CAPN11: variants seen among roughly 807,000 people sequenced by gnomAD.
CAPN11 encodes calpain-11.
CAPN11 carries 108 observed loss-of-function variants against 105.3 expected under a neutral mutation model. That is an observed-to-expected ratio of 1.03 (90% CI 0.88 to 1.20). The LOEUF (loss-of-function observed/expected upper bound fraction) is 1.20, where lower values mean the gene tolerates loss of function less well. Ranked by LOEUF, CAPN11 falls within the 50% of genes most tolerant of loss-of-function variation. CAPN11 has a pLI of 0.00. For synonymous variants in CAPN11, 329 were observed against 344.5 expected (o/e 0.96, Z 0.50); for missense variants, 883 against 924.8 (o/e 0.95, Z 0.59).
rs543293262 is a variant in CAPN11, at chr6:44,181,399, T to G, written c.1938+79T>G. On this transcript the variant is annotated intron_variant, in intron 19 of 22. Coordinates refer to ENST00000398776, the MANE Select transcript of CAPN11 (RefSeq NM_007058.4). ...AGAGATGGAACTAATGAGGGGAAGCTAGAACCCAAGCCCTAACCACACACA... is the reference window on the plus strand; with the variant it reads ...AGAGATGGAACTAATGAGGGGAAGCGAGAACCCAAGCCCTAACCACACACA... 694 of 1,082,542 alleles carry G rather than the reference T, an allele frequency of 6.4e-4. 18 individuals carry two copies. In the South Asian group the frequency reaches 9.1e-3, roughly 14 times the overall value. The allele number at this position is 1,082,542 out of a possible 1,614,324, so 67.1% of individuals were successfully genotyped here.
rs200836901 is a variant in CAPN11, at chr6:44,180,664, T to A, written c.1746+2T>A. 6.2e-7 allele frequency: 1 copy of A among 1,606,884 alleles called. No individual in the cohort carries two copies. Among genetic ancestry groups the A allele is most frequent in the Non-Finnish European group, 8.5e-7 (1 of 1,177,078 alleles). Reference sequence around the variant, plus strand: ...TTGTTTAAGATAGTGGCAGGAGAGGTGAGCAGGCCACGAGCGGAGGGCTGA... The same window carrying A: ...TTGTTTAAGATAGTGGCAGGAGAGGAGAGCAGGCCACGAGCGGAGGGCTGA... On this transcript the variant is annotated splice_donor_variant, in intron 16 of 22. Transcript: ENST00000398776. LOFTEE classifies it high-confidence loss of function.
chr6:44,161,020 C>T (rs916269886), intron 1 of CAPN11, among the ~76,000 whole-genome samples: 1 of 151,940 alleles, frequency 6.6e-6, no homozygotes, highest in Non-Finnish European at 1.5e-5. Flanking sequence ...GGTGTTGGAA[C>T]GTACCCCTAG....
At chr6:44,181,536 CT>C (rs1179457925) in intron 19 of CAPN11, among the ~76,000 whole-genome samples, 2 of 58,968 alleles carry the variant, frequency 3.4e-5, no homozygotes, top group African/African-American at 5.6e-5. Flanking sequence ...CCACACCACA[CT>C]CACACACACA....
At chr6:44,180,835 C>G in intron 17 of CAPN11, 30 bp downstream of exon 17, 1 of 1,611,078 alleles carries the variant, frequency 6.2e-7, no homozygotes, top group Non-Finnish European at 8.5e-7. Flanking sequence ...TGCACACGAC[C>G]CCTCCCCCAT....
chr6:44,176,481 C>A (rs1399034246), intron 9 of CAPN11, 100 bp from the exon 10 acceptor site: 10 of 1,331,056 alleles, frequency 7.5e-6, no homozygotes, highest in Non-Finnish European at 1.1e-5. Flanking sequence ...AGCTCCGCAC[C>A]CCAGCAGGCA....
intron 1 of CAPN11, among the ~76,000 whole-genome samples, chr6:44,163,639 T>G (rs1452799861): frequency 4.6e-5 from 7 of 152,202 alleles, no homozygotes; most frequent in Admixed American, 4.6e-4. Context: ...AATCAGCTAA[T>G]GCACATCGGG....
chr6:44,163,660 A>G (rs1461323181), intron 1 of CAPN11, among the ~76,000 whole-genome samples: 1 of 152,202 alleles, frequency 6.6e-6, no homozygotes, highest in African/African-American at 2.4e-5. Context: ...TGTTTAGAAT[A>G]GTGCCAGACA....
chr6:44,177,502 T>TTTC, intron 12 of CAPN11, 82 bp downstream of exon 12: 3 of 1,328,910 alleles, frequency 2.3e-6, no homozygotes, highest in Non-Finnish European at 3.1e-6. Flanking sequence ...CTTTTTTTTT[T>TTTC]TTCGAGACAG....
rs750325025 is a variant in CAPN11 at position 44,173,370 on chromosome 6, TG to T, written c.818del (p.Gly273ValfsTer15). On this transcript the variant is annotated frameshift_variant, in exon 7 of 23. Transcript: ENST00000398776. LOFTEE classifies it high-confidence loss of function. The part of the protein sequence containing the change: ...LRKAVERSSL[M>X]GCSIEVTSDS... ...AAGGCCGTGGAGCGATCCTCCCTCA[TG>T]GGTTGCTCCATTGAAGTAAGCAAAG... 1 of 1,610,488 alleles carries T rather than the reference TG, an allele frequency of 6.2e-7. No individual in the cohort carries two copies. The highest frequency in any genetic ancestry group is 1.1e-5 in the South Asian group (1 of 90,814).
intron 19 of CAPN11, among the ~76,000 whole-genome samples, 169 bp downstream of exon 19, chr6:44,181,489 A>C (rs1773261336): frequency 1.5e-5 from 1 of 65,756 alleles, no homozygotes; most frequent in African/African-American, 5.4e-5. Flanking sequence ...ACACAACCAC[A>C]CCACACACAC....
At chr6:44,172,574 T>C (rs190904283) in intron 5 of CAPN11, among the ~76,000 whole-genome samples, 154 bp downstream of exon 5, 5 of 152,256 alleles carry the variant, frequency 3.3e-5, no homozygotes, top group African/African-American at 1.2e-4. Context: ...ACCAAAGAAA[T>C]CATGTAAGCT....
In CAPN11 at chr6:44,177,258, C is replaced by T. The variant is rs749839704; in HGVS notation, c.1254C>T (p.Asn418=). Residue 418 remains asparagine, a synonymous_variant, in exon 12 of 23, where the codon AAC becomes AAT. Transcript: ENST00000398776. ...CCGCCACAGGCACGTTCTGGACCAA[C>T]CCCCAGTTTAAGATCTCTCTTCCTG... ...CRNHPGTFWT[N]PQFKISLPEG... 1 of 1,594,378 alleles carries T rather than the reference C, an allele frequency of 6.3e-7. No individual in the cohort carries two copies. The highest frequency in any genetic ancestry group is 2.3e-5 in the East Asian group (1 of 44,030).
At chr6:44,163,763 T>G (rs1368208909) in intron 1 of CAPN11, among the ~76,000 whole-genome samples, 3 of 152,202 alleles carry the variant, frequency 2.0e-5, no homozygotes, top group Non-Finnish European at 2.9e-5. Context: ...ATTCCTAATA[T>G]CTTCTCATCA....
At chr6:44,173,138 G>T in intron 6 of CAPN11, 65 bp downstream of exon 6, 1 of 1,604,094 alleles carries the variant, frequency 6.2e-7, no homozygotes, top group Non-Finnish European at 8.5e-7. Flanking sequence ...GAATCAGGGG[G>T]AGGGGAGGGG....
At chr6:44,163,981 G>T (rs533063279) in intron 1 of CAPN11, among the ~76,000 whole-genome samples, 1 of 152,104 alleles carries the variant, frequency 6.6e-6, no homozygotes, top group Non-Finnish European at 1.5e-5. Flanking sequence ...GGGACCACAG[G>T]CACATGCTAC....
chr6:44,169,807 C>A, intron 3 of CAPN11, 99 bp from the exon 4 acceptor site: 1 of 986,062 alleles, frequency 1.0e-6, no homozygotes. Context: ...TATCTGTTCC[C>A]CTGGAACTTC....
chr6:44,168,324 C>A (rs1213006819), intron 2 of CAPN11, among the ~76,000 whole-genome samples: 1 of 152,052 alleles, frequency 6.6e-6, no homozygotes, highest in Admixed American at 6.6e-5. Context: ...TGCTAGAGTT[C>A]GGTGGCACCA....
rs559211706 is a variant in CAPN11 at position 44,169,805 on chromosome 6, C to A, written c.340-101C>A. The A allele has an allele frequency of 3.9e-4, 380 of 967,246 alleles. 7 individuals are homozygous for A. The South Asian group carries it at 5.1e-3, about 13-fold the overall frequency. 59.9% of individuals were successfully genotyped at this position (967,246 alleles called of 1,614,324 possible). A position where few individuals can be genotyped will look rare whatever the true frequency, so the allele number is the denominator to read the frequency against. Reference sequence around the variant, plus strand: ...CCTCTCCCTGCCCCTCATATCTGTTCCCCTGGAACTTCAAGGTGGGCATCA... The same window carrying A: ...CCTCTCCCTGCCCCTCATATCTGTTACCCTGGAACTTCAAGGTGGGCATCA... On this transcript the variant is annotated intron_variant, in intron 3 of 22. Transcript: ENST00000398776.
At chr6:44,171,016 G>A (rs1332632031) in intron 4 of CAPN11, among the ~76,000 whole-genome samples, 4 of 152,274 alleles carry the variant, frequency 2.6e-5, no homozygotes, top group African/African-American at 9.6e-5. Context: ...TAGACCCCAG[G>A]GCCGCTGCTG....
Sources: allele counts gnomAD v4.1 joint callset (sites outside exome capture counted in the v4.1 genomes callset), GRCh38; gene constraint gnomAD v4.1.1; transcripts MANE v1.5; gene names NCBI Gene and HGNC (gene_info 2026-07-23, HGNC 2026-07-21).